The following SLC36A1 variants were observed in gnomAD, a reference collection of about 807,000 sequenced individuals.
The protein encoded by SLC36A1 is solute carrier family 36 member 1.
Under a neutral mutation model 47.5 loss-of-function variants are expected in SLC36A1, and 30 were observed. That is an observed-to-expected ratio of 0.63 (90% confidence interval 0.47 to 0.86). The LOEUF is 0.86. Among genes scored for constraint, SLC36A1 ranks in the 40% least tolerant of loss-of-function variants. The probability of loss-of-function intolerance (pLI) is 0.00; values close to 1 mark genes in which losing one functional copy is unlikely to be tolerated. For missense variants in SLC36A1, 517 were observed against 606.0 expected (o/e 0.85, Z 1.54); for synonymous variants, 255 against 249.7 (o/e 1.02, Z -0.20).
the SLC36A1 span, among the ~76,000 whole-genome samples, chr5:151,538,682 G>C: frequency 6.6e-6 from 1 of 152,032 alleles, no homozygotes; most frequent in Non-Finnish European, 1.5e-5. Context: ...TTATTTTCTT[G>C]TTTTCTCTTT....
rs1759807843 is a variant in SLC36A1 at position 151,488,121 on chromosome 5, C to T, written c.1298C>T (p.Thr433Ile). The change falls in exon 11 of 11, where the codon ACC becomes ATC. Residue 433 changes from threonine (T) to isoleucine (I), a missense_variant. Physicochemically the swap from Thr to Ile is moderately conservative, Grantham distance 89. Coordinates refer to ENST00000243389, the MANE Select transcript of SLC36A1 (RefSeq NM_078483.4). ...TACTCAGAGGGCATGAGCCCCCTCA[C>T]CATCTTTAAGGACGCCCTGATCAGC... ...TFYSEGMSPLTIFKDALISIL... is the reference protein window; with the variant it reads ...TFYSEGMSPLIIFKDALISIL... 2 of 1,614,232 alleles carry T rather than the reference C, an allele frequency of 1.2e-6. No homozygotes were observed. The highest frequency in any genetic ancestry group is 1.7e-6 in the Non-Finnish European group (2 of 1,180,040).
the SLC36A1 span, among the ~76,000 whole-genome samples, chr5:151,381,546 A>G: frequency 6.6e-6 from 1 of 152,206 alleles, no homozygotes; most frequent in African/African-American, 2.4e-5. Flanking sequence ...AGGATTAGAA[A>G]TTATGGTTTA....
intron 1 of SLC36A1, among the ~76,000 whole-genome samples, chr5:151,440,563 A>G (rs540989982): frequency 7.1e-5 from 10 of 141,356 alleles, no homozygotes; most frequent in Non-Finnish European, 1.2e-4. Context: ...AGGGCTTGGG[A>G]TGGGTAGAGT....
the SLC36A1 span, among the ~76,000 whole-genome samples, chr5:151,371,970 A>C: frequency 1.3e-5 from 2 of 152,176 alleles, no homozygotes; most frequent in African/African-American, 2.4e-5. Flanking sequence ...TCCTTTTAAT[A>C]GCACATTAAC....
chr5:151,507,672 T>TA, the SLC36A1 span: 9 of 1,441,544 alleles, frequency 6.2e-6, no homozygotes, highest in East Asian at 2.4e-5. Flanking sequence ...TGTCCCCTCT[T>TA]ACAGAGATCT....
chr5:151,505,591 C>G, the SLC36A1 span: 3 of 1,614,184 alleles, frequency 1.9e-6, no homozygotes, highest in Non-Finnish European at 8.5e-7. Context: ...TCACAGCTGC[C>G]ATAATCACTC....
chr5:151,432,993 T>C (rs1438512068), upstream of SLC36A1, among the ~76,000 whole-genome samples: 1 of 151,680 alleles, frequency 6.6e-6, no homozygotes, highest in African/African-American at 2.4e-5. Context: ...ACTTCTGACC[T>C]AAAGAAATGG....
the SLC36A1 span, chr5:151,534,313 C>CCTT: frequency 1.1e-6 from 1 of 928,948 alleles, no homozygotes; most frequent in Non-Finnish European, 1.6e-6. Context: ...GAGGCACCGC[C>CCTT]CTTACCAGTC....
chr5:151,487,951 A>G, intron 10 of SLC36A1, 32 bp from the exon 11 acceptor site: 2 of 1,611,406 alleles, frequency 1.2e-6, no homozygotes, highest in Non-Finnish European at 1.7e-6. Flanking sequence ...AGCTCTGGGC[A>G]TCTTAAACAG....
At chr5:151,449,436 TGTGCTGATA>T (rs1753277659) in intron 1 of SLC36A1, among the ~76,000 whole-genome samples, 1 of 152,210 alleles carries the variant, frequency 6.6e-6, no homozygotes, top group Non-Finnish European at 1.5e-5. Context: ...CAGCAGAGGC[TGTGCTGATA>T]ACAGCTTTAA....
chr5:151,537,283 A>G, the SLC36A1 span, among the ~76,000 whole-genome samples: 1 of 149,500 alleles, frequency 6.7e-6, no homozygotes, highest in African/African-American at 2.5e-5. Flanking sequence ...GTGGTGGAGG[A>G]GGAGGAGGAG....
the SLC36A1 span, among the ~76,000 whole-genome samples, chr5:151,355,385 G>A: frequency 3.3e-5 from 5 of 152,256 alleles, no homozygotes; most frequent in Admixed American, 1.3e-4. Flanking sequence ...CAGGCTATTC[G>A]GTTACAGTGC....
At chr5:151,445,422 A>C (rs1752861144), upstream of SLC36A1, among the ~76,000 whole-genome samples, 1 of 152,206 alleles carries the variant, frequency 6.6e-6, no homozygotes, top group Non-Finnish European at 1.5e-5. Context: ...TGCATTAGCG[A>C]AATCAGCCTG....
At chr5:151,395,135 C>T in the SLC36A1 span, among the ~76,000 whole-genome samples, 1 of 152,226 alleles carries the variant, frequency 6.6e-6, no homozygotes, top group Non-Finnish European at 1.5e-5. Flanking sequence ...CTCACTGCCA[C>T]CTTGCACTTC....
chr5:151,542,242 T>C, the SLC36A1 span: 23 of 1,522,898 alleles, frequency 1.5e-5, no homozygotes, highest in Non-Finnish European at 1.9e-5. Flanking sequence ...TGGATGTTTT[T>C]CGATACATTC....
At chr5:151,531,615 T>A in the SLC36A1 span, 4 of 1,613,026 alleles carry the variant, frequency 2.5e-6, no homozygotes, top group Non-Finnish European at 2.5e-6. This position sits in a 1 kb window ranked among gnomAD's most constrained non-coding sequence, Gnocchi z 5.7. Context: ...GGAACCTGCC[T>A]TGCTCGTTCC....
chr5:151,465,054 C>T lies in SLC36A1; in HGVS notation c.324-20C>T. On this transcript the variant is annotated intron_variant, in intron 4 of 10. Transcript: ENST00000243389. ...CTAATCCACGTGCTCTGTCCTTCCT[C>T]TTCCCTCCTACTCTTCCAGGCTGAA... 6.3e-7 allele frequency: 1 copy of T among 1,590,418 alleles called. No individual in the cohort carries two copies. Among genetic ancestry groups the T allele is most frequent in the Non-Finnish European group, 8.6e-7 (1 of 1,158,286 alleles).
chr5:151,502,674 G>A, the SLC36A1 span, among the ~76,000 whole-genome samples: 1 of 148,396 alleles, frequency 6.7e-6, no homozygotes, highest in South Asian at 2.1e-4. Context: ...AGAATGTGGA[G>A]CAAAAGGAGT....
chr5:151,430,655 A>G, the SLC36A1 span, among the ~76,000 whole-genome samples: 2 of 152,150 alleles, frequency 1.3e-5, no homozygotes, highest in East Asian at 3.8e-4. Flanking sequence ...CTGAACAGTT[A>G]CTGTGTGCCA....
Sources: gnomAD v4.1 joint callset for allele counts (sites outside exome capture counted in the v4.1 genomes callset) on GRCh38, gnomAD v4.1.1 for gene constraint, Gnocchi (gnomAD v3.1) non-coding constraint, MANE v1.5 for transcripts, NCBI Gene and HGNC (gene_info 2026-07-23, HGNC 2026-07-21) for gene names.